NAV3: variants seen among roughly 807,000 people sequenced by gnomAD.
The protein encoded by NAV3 is neuron navigator 3.
Under a neutral mutation model 244.7 loss-of-function variants are expected in NAV3, and 87 were observed. The observed-to-expected ratio is 0.36, with a 90% CI of 0.30 to 0.42. The LOEUF is 0.42. Among genes scored for constraint, NAV3 ranks in the 20% least tolerant of loss-of-function variants. NAV3 has a pLI of 1.00. For synonymous variants in NAV3, 1,126 were observed against 1,042.2 expected, an observed-to-expected ratio of 1.08 and a Z score of -1.55; for missense variants, 2,663 against 2,893.3, an observed-to-expected ratio of 0.92 and a Z score of 1.83.
rs74616081 is a variant in NAV3 at position 77,688,174 on chromosome 12, C to T, written c.72+115908C>T. Reference sequence around the variant, plus strand: ...GTTCATTACCCATTAATATTAGTACCGAAAAGTTAAAAAAAAATTTAAAAT... The same window carrying T: ...GTTCATTACCCATTAATATTAGTACTGAAAAGTTAAAAAAAAATTTAAAAT... On this transcript the variant is annotated intron_variant, in intron 2 of 8. Transcript: ENST00000550042. 3.9e-3 allele frequency among the ~76,000 whole-genome samples: 596 copies of T among 151,186 alleles called. 12 individuals carry two copies. The highest frequency in any genetic ancestry group is 5.4e-3 in the Non-Finnish European group (364 of 67,746).
intron 31 of NAV3, 83 bp from the exon 32 acceptor site, chr12:78,188,165 C>T (rs1958810613): frequency 9.6e-7 from 1 of 1,037,530 alleles, no homozygotes; most frequent in Non-Finnish European, 1.5e-6. Flanking sequence ...ACAACAACTA[C>T]ATTAACTAAT....
intron 1 of NAV3, among the ~76,000 whole-genome samples, chr12:77,876,234 A>G (rs544815318): frequency 6.6e-6 from 1 of 152,090 alleles, no homozygotes; most frequent in Non-Finnish European, 1.5e-5. Flanking sequence ...TGATGATTAT[A>G]TGAACTGGGC....
chr12:78,206,621 C>T (rs760108968), intron 39 of NAV3, among the ~76,000 whole-genome samples: 1 of 152,018 alleles, frequency 6.6e-6, no homozygotes, highest in Non-Finnish European at 1.5e-5. Flanking sequence ...GTTCTGAATG[C>T]ACTTGTCTTC....
At chr12:77,649,808 G>A (rs971791615) in intron 2 of NAV3, among the ~76,000 whole-genome samples, 14 of 152,082 alleles carry the variant, frequency 9.2e-5, no homozygotes, top group South Asian at 4.1e-4. Context: ...TGATTTAATC[G>A]ATTTTTTTAA....
intron 12 of NAV3, among the ~76,000 whole-genome samples, chr12:78,069,357 A>G (rs972456963): frequency 1.3e-5 from 2 of 152,032 alleles, no homozygotes; most frequent in Non-Finnish European, 2.9e-5. Context: ...AGAGTATACA[A>G]AAGTGTGAAG....
At chr12:77,968,140 A>G (rs142271037) in intron 4 of NAV3, among the ~76,000 whole-genome samples, 2 of 152,328 alleles carry the variant, frequency 1.3e-5, no homozygotes, top group African/African-American at 4.8e-5. Context: ...AGCCACTGCT[A>G]TGCTGGCAAC....
chr12:77,839,600 A>G (rs1050805401), intron 1 of NAV3, among the ~76,000 whole-genome samples: 3 of 152,338 alleles, frequency 2.0e-5, no homozygotes, highest in African/African-American at 4.8e-5. Flanking sequence ...CTTATAAACT[A>G]TATGTCAAAA....
chr12:77,724,892 A>G (rs1876807381), intron 2 of NAV3, among the ~76,000 whole-genome samples: 1 of 152,038 alleles, frequency 6.6e-6, no homozygotes, highest in African/African-American at 2.4e-5. Context: ...CAGATGTCAA[A>G]TCTTTCAAAA....
At chr12:78,152,817 A>T (rs1957128198) in intron 22 of NAV3, among the ~76,000 whole-genome samples, 1 of 151,986 alleles carries the variant, frequency 6.6e-6, no homozygotes, top group Non-Finnish European at 1.5e-5. Context: ...AGTAAAAGTA[A>T]GTCTTTGTTT....
chr12:77,985,462 T>C (rs979625678), intron 5 of NAV3, among the ~76,000 whole-genome samples: 2 of 152,216 alleles, frequency 1.3e-5, no homozygotes, highest in African/African-American at 4.8e-5. Context: ...ACTTTATAAG[T>C]TAATCTTTAG....
At chr12:77,789,079 C>T (rs557172288) in intron 2 of NAV3, among the ~76,000 whole-genome samples, 1 of 152,330 alleles carries the variant, frequency 6.6e-6, no homozygotes, top group East Asian at 1.9e-4. Flanking sequence ...TCATCCTCTA[C>T]TTTCCATTCA....
At chr12:77,580,235 C>CACAG (rs1869297386) in intron 2 of NAV3, among the ~76,000 whole-genome samples, 1 of 87,578 alleles carries the variant, frequency 1.1e-5, no homozygotes. Flanking sequence ...CACACACACA[C>CACAG]ACACACACAC....
intron 28 of NAV3, among the ~76,000 whole-genome samples, chr12:78,178,323 C>T (rs1301893781): frequency 6.6e-6 from 1 of 151,800 alleles, no homozygotes; most frequent in Non-Finnish European, 1.5e-5. Flanking sequence ...CCACACCTGG[C>T]TAATTTTTTG....
At chr12:77,751,660 T>A (rs1369557261) in intron 2 of NAV3, among the ~76,000 whole-genome samples, 1 of 152,196 alleles carries the variant, frequency 6.6e-6, no homozygotes, top group African/African-American at 2.4e-5. Context: ...CTCTTTCCTT[T>A]ATAAATTAAC....
chr12:78,081,502 GCTTGAGTCA>G (rs1953351468), intron 12 of NAV3, among the ~76,000 whole-genome samples: 1 of 152,178 alleles, frequency 6.6e-6, no homozygotes, highest in South Asian at 2.1e-4. Context: ...GCTCCTCCGA[GCTTGAGTCA>G]GCTGTCCATC....
chr12:77,616,809 T>C (rs1471909756), intron 2 of NAV3, among the ~76,000 whole-genome samples: 1 of 152,116 alleles, frequency 6.6e-6, no homozygotes, highest in Non-Finnish European at 1.5e-5. Context: ...TAAAAACTTA[T>C]TGCTAGCTGT....
intron 7 of NAV3, among the ~76,000 whole-genome samples, chr12:78,003,358 G>C (rs141009706): frequency 1.8e-4 from 28 of 152,230 alleles, no homozygotes; most frequent in African/African-American, 6.5e-4. Context: ...TTTCCACCAC[G>C]ATCTGTGATG....
At chr12:77,772,801 A>G (rs1277174106) in intron 2 of NAV3, among the ~76,000 whole-genome samples, 1 of 152,154 alleles carries the variant, frequency 6.6e-6, no homozygotes, top group African/African-American at 2.4e-5. Context: ...AATGGCCAAA[A>G]TGTGCTTTTG....
chr12:77,658,382 C>T (rs1224330492), intron 2 of NAV3, among the ~76,000 whole-genome samples: 12 of 150,418 alleles, frequency 8.0e-5, no homozygotes, highest in Non-Finnish European at 1.2e-4. Flanking sequence ...AATAAAATAC[C>T]TAGGAATCCA....
Sources: gnomAD v4.1 joint callset for allele counts (sites outside exome capture counted in the v4.1 genomes callset) on GRCh38, gnomAD v4.1.1 for gene constraint, MANE v1.5 for transcripts, NCBI Gene and HGNC (gene_info 2026-07-23, HGNC 2026-07-21) for gene names.